Variants in MAP3K13 observed in about 807,000 individuals in gnomAD.
MAP3K13 encodes leucine zipper-bearing kinase.
MAP3K13 carries 52 observed loss-of-function variants against 104.0 expected under a neutral mutation model. The observed-to-expected ratio is 0.50, with a 90% CI of 0.40 to 0.63. The LOEUF is 0.63. Ranked by LOEUF, MAP3K13 falls within the 20% of genes least tolerant of loss-of-function variation. MAP3K13 has a pLI of 0.00. For synonymous variants in MAP3K13, 394 were observed against 442.2 expected (o/e 0.89, Z 1.37); for missense variants, 914 against 1,218.5 (o/e 0.75, Z 3.72).
intron 1 of MAP3K13, among the ~76,000 whole-genome samples, chr3:185,410,424 C>T (rs1193843891): frequency 6.6e-6 from 1 of 151,954 alleles, no homozygotes; most frequent in South Asian, 2.1e-4. Flanking sequence ...ACAGCTATAG[C>T]GTCCCACAGC....
chr3:185,376,804 A>G (rs1724451956), intron 1 of MAP3K13, among the ~76,000 whole-genome samples: 1 of 152,044 alleles, frequency 6.6e-6, no homozygotes, highest in African/African-American at 2.4e-5. Flanking sequence ...ATCAGCAGGG[A>G]GAGCACGTGT....
At chr3:185,398,384 T>A (rs984608446) in intron 1 of MAP3K13, among the ~76,000 whole-genome samples, 1 of 152,204 alleles carries the variant, frequency 6.6e-6, no homozygotes, top group South Asian at 2.1e-4. Flanking sequence ...TGAAGGCAGA[T>A]GAGCAGCCTC....
chr3:185,423,169 T>G lies in MAP3K13; in HGVS notation c.-85-5328T>G, dbSNP rs1225027725. Among the ~76,000 whole-genome samples the G allele has an allele frequency of 6.6e-6, 1 of 152,214 alleles. No individual in the cohort carries two copies. The highest frequency in any genetic ancestry group is 1.5e-5 in the Non-Finnish European group (1 of 68,038). On this transcript the variant is annotated intron_variant, in intron 1 of 13. Coordinates refer to ENST00000265026, the MANE Select transcript of MAP3K13 (RefSeq NM_004721.5). The surrounding 1 kb of genome is among the most constrained non-coding windows in gnomAD (Gnocchi z 4.1). Reference sequence around the variant, plus strand: ...AGAATTACTTCATTATGTATTACAATGTAATTATAATAGAAATAAAGTACA... The same window carrying G: ...AGAATTACTTCATTATGTATTACAAGGTAATTATAATAGAAATAAAGTACA...
chr3:185,438,926 G>C (rs938918885), intron 3 of MAP3K13, among the ~76,000 whole-genome samples: 3 of 152,196 alleles, frequency 2.0e-5, no homozygotes, highest in Admixed American at 1.3e-4. Context: ...TGAGGCTACA[G>C]CTAAAAGTGG....
At chr3:185,415,600 T>TTTTA (rs1713717340) in intron 1 of MAP3K13, among the ~76,000 whole-genome samples, 15 of 140,650 alleles carry the variant, frequency 1.1e-4, no homozygotes, top group South Asian at 2.3e-4. Flanking sequence ...TTTTTTTTTT[T>TTTTA]GAGACAGAGT....
intron 2 of MAP3K13, among the ~76,000 whole-genome samples, chr3:185,349,148 T>C (rs1723044813): frequency 6.6e-6 from 1 of 151,912 alleles, no homozygotes; most frequent in Non-Finnish European, 1.5e-5. Flanking sequence ...TAATTTTAGA[T>C]TCAAGGGGCA....
In MAP3K13 at chr3:185,437,489, G is replaced by A; in HGVS notation, c.518G>A (p.Trp173Ter). The A allele has an allele frequency of 1.2e-6, 2 of 1,613,994 alleles. No homozygotes were observed. The highest frequency in any genetic ancestry group is 1.7e-6 in the Non-Finnish European group (2 of 1,179,978). Residue 173 changes from tryptophan to a stop codon, truncating the protein, a stop_gained, in exon 3 of 14, where the codon TGG becomes TAG. Coordinates refer to ENST00000265026, the MANE Select transcript of MAP3K13 (RefSeq NM_004721.5). LOFTEE classifies it high-confidence loss of function. ...TTTGAGGAGATCTCAGAGCTGCAGTGGCTGGGTAGTGGAGCCCAAGGAGCG... is the reference window on the plus strand; with the variant it reads ...TTTGAGGAGATCTCAGAGCTGCAGTAGCTGGGTAGTGGAGCCCAAGGAGCG... ...VPFEEISELQ[W>*]LGSGAQGAVF...
chr3:185,293,033 G>T (rs1159475009), intron 2 of MAP3K13: 44 of 985,118 alleles, frequency 4.5e-5, no homozygotes, highest in Non-Finnish European at 5.1e-5. Context: ...GTGTGAACGT[G>T]TGTGTACTTG....
At chr3:185,389,796 G>T (rs1259579998) in intron 1 of MAP3K13, among the ~76,000 whole-genome samples, 1 of 85,372 alleles carries the variant, frequency 1.2e-5, no homozygotes, top group Admixed American at 1.2e-4. Flanking sequence ...CAAAAAATTT[G>T]TTAAGTATTT....
chr3:185,325,589 G>A (rs986575869), intron 2 of MAP3K13, among the ~76,000 whole-genome samples: 1 of 152,146 alleles, frequency 6.6e-6, no homozygotes, highest in Admixed American at 6.5e-5. Context: ...GGAGGTAGAG[G>A]GGTGGTTAAA....
intron 2 of MAP3K13, among the ~76,000 whole-genome samples, chr3:185,336,620 G>T (rs1425175813): frequency 1.3e-5 from 2 of 149,476 alleles, no homozygotes; most frequent in Non-Finnish European, 3.0e-5. Context: ...TACTGTTATA[G>T]ATATCAGTTT....
At chr3:185,329,254 G>C (rs1292564189) in intron 2 of MAP3K13, 2 of 703,000 alleles carry the variant, frequency 2.8e-6, no homozygotes, top group Admixed American at 2.0e-5. Flanking sequence ...ATAAAAGTGA[G>C]TATGTACCTA....
rs895556805 is a variant in MAP3K13, at chr3:185,428,650, C to T, written c.69C>T (p.Thr23=). The part of the protein sequence containing the change: ...SPHLPFSESK[T]FNGLQDELTA... ...ACTTACCCTTCAGTGAAAGCAAAAC[C>T]TTCAATGGACTACAAGATGAGCTCA... Residue 23 remains threonine (T), a synonymous_variant, in exon 2 of 14, where the codon ACC becomes ACT. Coordinates refer to ENST00000265026, the MANE Select transcript of MAP3K13 (RefSeq NM_004721.5). 6.2e-7 allele frequency: 1 copy of T among 1,614,040 alleles called. No homozygotes were observed. The highest frequency in any genetic ancestry group is 8.5e-7 in the Non-Finnish European group (1 of 1,179,980).
At chr3:185,304,889 C>T (rs569383178) in intron 2 of MAP3K13, among the ~76,000 whole-genome samples, 2 of 152,032 alleles carry the variant, frequency 1.3e-5, no homozygotes, top group East Asian at 3.9e-4. Context: ...CCTTCGGCCT[C>T]CCAAAGTGCT....
intron 2 of MAP3K13, among the ~76,000 whole-genome samples, chr3:185,429,697 G>A (rs1008886032): frequency 5.3e-5 from 8 of 152,252 alleles, no homozygotes; most frequent in African/African-American, 1.9e-4. Flanking sequence ...AAAATCTGAT[G>A]GCTGCTGGAC....
intron 1 of MAP3K13, among the ~76,000 whole-genome samples, chr3:185,403,642 TTTTA>T (rs549813607): frequency 2.6e-5 from 4 of 152,348 alleles, no homozygotes; most frequent in African/African-American, 9.6e-5. Context: ...TAAATATAAT[TTTTA>T]TTTGTCAGTT....
chr3:185,393,551 C>T (rs922634020), intron 1 of MAP3K13, among the ~76,000 whole-genome samples: 7 of 151,914 alleles, frequency 4.6e-5, no homozygotes, highest in Admixed American at 1.3e-4. Context: ...CTCTACCTCC[C>T]GGGTTCACGC....
intron 10 of MAP3K13, among the ~76,000 whole-genome samples, chr3:185,471,193 T>C (rs548699367): frequency 6.6e-6 from 1 of 152,288 alleles, no homozygotes; most frequent in Admixed American, 6.5e-5. Flanking sequence ...ATGTTTTGGC[T>C]AACTTTCTAA....
At chr3:185,346,273 T>C (rs2108726516) in intron 2 of MAP3K13, among the ~76,000 whole-genome samples, 1 of 152,332 alleles carries the variant, frequency 6.6e-6, no homozygotes, top group Non-Finnish European at 1.5e-5. Context: ...AATACATTTG[T>C]ACTTCACAGA....
Sources: gnomAD v4.1 joint callset for allele counts (sites outside exome capture counted in the v4.1 genomes callset) on GRCh38, gnomAD v4.1.1 for gene constraint, Gnocchi (gnomAD v3.1) non-coding constraint, MANE v1.5 for transcripts, NCBI Gene and HGNC (gene_info 2026-07-23, HGNC 2026-07-21) for gene names.